The following AGO2 variants were observed in gnomAD, a reference collection of about 807,000 sequenced individuals.
AGO2 encodes the protein argonaute RISC catalytic component 2.
AGO2 carries 5 observed loss-of-function variants against 102.3 expected under a neutral mutation model. The ratio of observed to expected loss-of-function variants is 0.05; its 90% CI spans 0.03 to 0.10. The LOEUF is 0.10. AGO2 is among the 10% of genes least tolerant of loss of function. The probability of loss-of-function intolerance (pLI) is 1.00; values close to 1 mark genes in which losing one functional copy is unlikely to be tolerated. For synonymous variants in AGO2, 449 were observed against 473.1 expected (o/e 0.95, Z 0.66); for missense variants, 541 against 1,183.7 (o/e 0.46, Z 7.97).
intron 1 of AGO2, among the ~76,000 whole-genome samples, chr8:140,586,104 T>C (rs765136623): frequency 6.6e-6 from 1 of 152,252 alleles, no homozygotes; most frequent in Non-Finnish European, 1.5e-5. Flanking sequence ...ACTTCATAGA[T>C]GACACATCTA....
upstream of AGO2, among the ~76,000 whole-genome samples, chr8:140,639,219 C>A (rs913222703): frequency 6.6e-6 from 1 of 152,118 alleles, no homozygotes; most frequent in African/African-American, 2.4e-5. Context: ...AGGTGGCTCA[C>A]GCCTGTAATC....
chr8:140,608,237 C>T (rs937401982), intron 1 of AGO2, among the ~76,000 whole-genome samples: 5 of 152,180 alleles, frequency 3.3e-5, no homozygotes, highest in African/African-American at 9.7e-5. Context: ...GCACTTTTTA[C>T]GCTGCCATTC....
chr8:140,579,752 C>A (rs758557450), intron 2 of AGO2, among the ~76,000 whole-genome samples: 4 of 151,948 alleles, frequency 2.6e-5, no homozygotes, highest in Non-Finnish European at 4.4e-5. Context: ...AGAGGGTACA[C>A]GATGTTTCTG....
intron 1 of AGO2, among the ~76,000 whole-genome samples, chr8:140,620,096 G>C (rs900559354): frequency 6.6e-6 from 1 of 152,320 alleles, no homozygotes; most frequent in Non-Finnish European, 1.5e-5. Flanking sequence ...AGAATGTGAA[G>C]GGGCACGCTG....
chr8:140,632,259 A>C (rs2074351565), intron 1 of AGO2, among the ~76,000 whole-genome samples: 1 of 152,264 alleles, frequency 6.6e-6, no homozygotes, highest in Non-Finnish European at 1.5e-5. Flanking sequence ...CAAAGACCCA[A>C]GGGGGACTCT....
At chr8:140,548,044 G>A (rs1017879965) in intron 12 of AGO2, among the ~76,000 whole-genome samples, 27 of 152,312 alleles carry the variant, frequency 1.8e-4, no homozygotes, top group Middle Eastern at 3.4e-3. Context: ...GGCCGGGCGC[G>A]GTGGCTCACA....
chr8:140,544,225 G>A lies in AGO2; in HGVS notation c.1827C>T (p.Pro609=), dbSNP rs1299083279. ...THPPAGDGKK[P]SIAAVVGSMD... is the part of the protein sequence containing the mutation. The stretch of plus-strand genomic sequence containing the variant: ...CGCTGACACTCACGGCGGCAATGGA[G>A]GGCTTCTTCCCATCCCCGGCGGGGG... Residue 609 remains proline, a synonymous_variant, in exon 14 of 19, where the codon CCC becomes CCT. Coordinates refer to ENST00000220592, the MANE Select transcript of AGO2 (RefSeq NM_012154.5). 6.3e-7 allele frequency: 1 copy of A among 1,589,768 alleles called. No individual in the cohort carries two copies. The highest frequency in any genetic ancestry group is 1.4e-5 in the African/African-American group (1 of 72,792).
In AGO2 at chr8:140,527,569, C is replaced by T. The variant is rs978845576; in HGVS notation, c.*4475G>A. ...AGTCACAGGTGCACTGCATCCGCAC[C>T]GAGAAGCGTCACAGCAGACGAGACT... On this transcript the variant is annotated 3_prime_UTR_variant, in exon 19 of 19. Transcript: ENST00000220592. The surrounding 1 kb of genome is among the most constrained non-coding windows in gnomAD (Gnocchi z 6.0). The T allele has an allele frequency of 3.9e-5, 6 of 152,904 alleles. No individual in the cohort carries two copies. Among genetic ancestry groups the T allele is most frequent in the African/African-American group, 1.4e-4 (6 of 41,418 alleles). The allele number at this position is 152,904 out of a possible 1,614,324, so 9.5% of individuals were successfully genotyped here.
intron 1 of AGO2, among the ~76,000 whole-genome samples, chr8:140,591,297 C>T (rs1049704960): frequency 2.0e-5 from 3 of 152,304 alleles, no homozygotes; most frequent in Middle Eastern, 3.4e-3. Context: ...TGGGAGGCAA[C>T]GTGAGCAGGG....
In AGO2 at chr8:140,564,123, G is replaced by A. The variant is rs780317116; in HGVS notation, c.337-1489C>T. Among the ~76,000 whole-genome samples, 61 of 152,330 alleles carry A rather than the reference G, an allele frequency of 4.0e-4. 1 individual carries two copies. The highest frequency in any genetic ancestry group is 1.3e-3 in the African/African-American group (55 of 41,572). On this transcript the variant is annotated intron_variant, in intron 3 of 18. Transcript: ENST00000220592. ...GAAAAAGGATCGAATCCTTCCAGCC[G>A]GATAGACTTCAAACATCGAATAGCA...
In AGO2 at chr8:140,547,626, G is replaced by A. The variant is rs548306051; in HGVS notation, c.1590C>T (p.Ala530=). ...CCGTGTCTCCCACGCGCTTGACCTCGGCTAAGGGACATGAGAGGCACACAC... is the reference window on the plus strand; with the variant it reads ...CCGTGTCTCCCACGCGCTTGACCTCAGCTAAGGGACATGAGAGGCACACAC... ...VILPGKTPVY[A]EVKRVGDTVL... Residue 530 remains alanine, a splice_region_variant and synonymous_variant, in exon 13 of 19, where the codon GCC becomes GCT. Transcript: ENST00000220592. 61 of 1,611,898 alleles carry A rather than the reference G, an allele frequency of 3.8e-5. 2 individuals are homozygous for A. The South Asian group carries it at 5.5e-4, about 15-fold the overall frequency.
chr8:140,552,930 G>A (rs2073027563), intron 10 of AGO2, among the ~76,000 whole-genome samples: 1 of 152,198 alleles, frequency 6.6e-6, no homozygotes, highest in Admixed American at 6.5e-5. Context: ...TGTCCCCTGG[G>A]GGGCAAAATC....
chr8:140,635,789 C>G (rs1401178251), upstream of AGO2, among the ~76,000 whole-genome samples: 8 of 129,654 alleles, frequency 6.2e-5, no homozygotes, highest in East Asian at 1.6e-3. Flanking sequence ...GGGCGGGGTC[C>G]GCGGCGGCGG....
At chr8:140,578,802 C>T (rs2073506198) in intron 2 of AGO2, among the ~76,000 whole-genome samples, 1 of 152,264 alleles carries the variant, frequency 6.6e-6, no homozygotes. Flanking sequence ...AGGGCAGCGC[C>T]AAGCAGCACC....
At chr8:140,633,903 A>C (rs2074370456) in intron 1 of AGO2, among the ~76,000 whole-genome samples, 1 of 152,248 alleles carries the variant, frequency 6.6e-6, no homozygotes, top group Non-Finnish European at 1.5e-5. Flanking sequence ...AGAAAGCTTG[A>C]CCTTCCTTAA....
Position 140,551,514 on chromosome 8 carries a change from T to C in AGO2, c.1270-78A>G, listed in dbSNP as rs932049725. Reference sequence around the variant, plus strand: ...CAACCTTAGACTTTGTCACTCTCACTGTTGGTCCCCCTGACCAACAACTGC... The same window carrying C: ...CAACCTTAGACTTTGTCACTCTCACCGTTGGTCCCCCTGACCAACAACTGC... On this transcript the variant is annotated intron_variant, in intron 10 of 18. Transcript: ENST00000220592. 3.4e-5 allele frequency: 47 copies of C among 1,371,048 alleles called. No homozygotes were observed. In the African/African-American group the frequency reaches 6.4e-4, roughly 19 times the overall value. The allele number at this position is 1,371,048 out of a possible 1,614,324, so 84.9% of individuals were successfully genotyped here. A position where few individuals can be genotyped will look rare whatever the true frequency, so the allele number is the denominator to read the frequency against.
chr8:140,553,413 T>G (rs1481494141), intron 10 of AGO2, among the ~76,000 whole-genome samples: 20 of 144,636 alleles, frequency 1.4e-4, no homozygotes, highest in South Asian at 4.2e-4. Flanking sequence ...TGTTTTTTGT[T>G]TTTTTTTTTT....
At chr8:140,607,816 G>A (rs537083032) in intron 1 of AGO2, among the ~76,000 whole-genome samples, 3 of 152,230 alleles carry the variant, frequency 2.0e-5, no homozygotes, top group Admixed American at 2.0e-4. Flanking sequence ...GGAGCACAGG[G>A]CTTCTGTTCC....
intron 10 of AGO2, 150 bp from the exon 11 acceptor site, chr8:140,551,586 TA>T: frequency 1.3e-6 from 1 of 759,354 alleles, no homozygotes; most frequent in South Asian, 3.3e-5. Flanking sequence ...CTGACCTGCC[TA>T]GTGATGCAGA....
Sources: gnomAD v4.1 joint callset for allele counts (sites outside exome capture counted in the v4.1 genomes callset) on GRCh38, gnomAD v4.1.1 for gene constraint, Gnocchi (gnomAD v3.1) non-coding constraint, MANE v1.5 for transcripts, NCBI Gene and HGNC (gene_info 2026-07-23, HGNC 2026-07-21) for gene names.